The following GABRG3 variants were observed in gnomAD, a reference collection of about 807,000 sequenced individuals.
The protein encoded by GABRG3 is gamma-aminobutyric acid type A receptor subunit gamma3, also known as gamma-aminobutyric acid receptor subunit gamma-3.
In GABRG3, 25 loss-of-function variants were observed where a neutral mutation model predicts 48.8. That is an observed-to-expected ratio of 0.51 (90% confidence interval 0.37 to 0.72). GABRG3 has a LOEUF of 0.72. GABRG3 is among the 30% of genes least tolerant of loss of function. GABRG3 has a pLI of 0.00. For missense variants in GABRG3, 394 were observed against 577.9 expected (o/e 0.68, Z 3.26); for synonymous variants, 227 against 217.6 (o/e 1.04, Z -0.38).
intron 3 of GABRG3, among the ~76,000 whole-genome samples, chr15:27,263,731 G>A (rs1056177577): frequency 1.6e-4 from 24 of 152,154 alleles, no homozygotes; most frequent in African/African-American, 5.5e-4. Flanking sequence ...GGCTGAGACA[G>A]TGCATATGGT....
At chr15:27,415,692 C>T (rs1887920296) in intron 5 of GABRG3, among the ~76,000 whole-genome samples, 1 of 152,164 alleles carries the variant, frequency 6.6e-6, no homozygotes, top group African/African-American at 2.4e-5. Context: ...TCAAGCAATT[C>T]TAATAGCCCT....
chr15:27,076,232 C>G (rs536866068), intron 3 of GABRG3, among the ~76,000 whole-genome samples: 13 of 152,244 alleles, frequency 8.5e-5, no homozygotes, highest in African/African-American at 3.1e-4. Flanking sequence ...GTGATGTCCC[C>G]CAAAACATCC....
intron 3 of GABRG3, among the ~76,000 whole-genome samples, chr15:27,198,826 T>G (rs751694071): frequency 1.3e-5 from 2 of 152,164 alleles, no homozygotes; most frequent in African/African-American, 4.8e-5. Context: ...ATAAAAAGAA[T>G]GAGTTTATGT....
At chr15:27,010,949 G>A (rs768795756) in intron 2 of GABRG3, among the ~76,000 whole-genome samples, 5 of 152,038 alleles carry the variant, frequency 3.3e-5, no homozygotes, top group Non-Finnish European at 5.9e-5. Context: ...GGGTTCCAGC[G>A]ATTCTCCTGC....
intron 3 of GABRG3, among the ~76,000 whole-genome samples, chr15:27,184,392 T>A (rs1301279837): frequency 2.6e-5 from 4 of 152,164 alleles, no homozygotes; most frequent in Admixed American, 6.5e-5. Context: ...AGAGAGTTTT[T>A]CCTGTATCTG....
In GABRG3 at chr15:27,534,337, A is replaced by C. The variant is rs1891501822; in HGVS notation, c.*1456A>C. ...AGAAAAAATATCCCCCCAAATCAAT[A>C]CTCTTTTGATATTTTTATAATACAA... is the stretch of plus-strand genomic sequence containing the variant. On this transcript the variant is annotated 3_prime_UTR_variant, in exon 10 of 10. Coordinates refer to ENST00000615808, the MANE Select transcript of GABRG3 (RefSeq NM_033223.5). 1 of 151,816 alleles carries C rather than the reference A, an allele frequency of 6.6e-6. No homozygotes were observed. The highest frequency in any genetic ancestry group is 2.4e-5 in the African/African-American group (1 of 41,292). The allele number at this position is 151,816 out of a possible 1,614,324, so 9.4% of individuals were successfully genotyped here.
chr15:27,144,474 GA>G (rs1898162366), intron 3 of GABRG3, among the ~76,000 whole-genome samples: 2 of 151,190 alleles, frequency 1.3e-5, no homozygotes, highest in Non-Finnish European at 3.0e-5. Context: ...TCTCCCAGTA[GA>G]AATAGTCTTT....
Position 27,537,793 on chromosome 15 carries a change from C to T in GABRG3, c.*4912C>T, listed in dbSNP as rs1190532716. ...AGTTGTATTAAGGCCAAAAGGCAGA[C>T]TTTCTTTATATTTATTTTTATTATT... On this transcript the variant is annotated 3_prime_UTR_variant, in exon 10 of 10. Transcript: ENST00000615808. 1.3e-5 allele frequency: 2 copies of T among 150,664 alleles called. No homozygotes were observed. The highest frequency in any genetic ancestry group is 3.0e-5 in the Non-Finnish European group (2 of 67,710). The allele number at this position is 150,664 out of a possible 1,614,324, so 9.3% of individuals were successfully genotyped here.
rs1320639086 is a variant in GABRG3 at position 27,306,470 on chromosome 15, CTATA to C, written c.271-20334_271-20331del. 1.2e-4 allele frequency among the ~76,000 whole-genome samples: 16 copies of C among 137,746 alleles called. 1 individual carries two copies. In the East Asian group the frequency reaches 3.1e-3, roughly 27 times the overall value. The allele number at this position is 137,746 out of a possible 152,430, so 90.4% of individuals were successfully genotyped here. On this transcript the variant is annotated intron_variant, in intron 3 of 9. Transcript: ENST00000615808. ...TGTCTACATATAAACATAAACATGT[CTATA>C]TATAAACATATATATAATATAAACA...
At chr15:27,160,538 T>G (rs1887139817) in intron 3 of GABRG3, among the ~76,000 whole-genome samples, 1 of 152,218 alleles carries the variant, frequency 6.6e-6, no homozygotes, top group Admixed American at 6.5e-5. Flanking sequence ...ATGCTAGTTT[T>G]TGGGAAATCC....
intron 3 of GABRG3, among the ~76,000 whole-genome samples, chr15:27,038,881 GT>G (rs1392302874): frequency 6.6e-6 from 1 of 152,214 alleles, no homozygotes; most frequent in African/African-American, 2.4e-5. Context: ...AGAGGGAAAG[GT>G]GTGCCACTCT....
intron 5 of GABRG3, 23 bp downstream of exon 5, chr15:27,328,911 G>A (rs1404250162): frequency 1.9e-6 from 3 of 1,599,860 alleles, no homozygotes; most frequent in Non-Finnish European, 2.6e-6. Flanking sequence ...CCAAGCCCGG[G>A]GTGTGCATGC....
At chr15:27,063,778 T>C (rs1326845715) in intron 3 of GABRG3, among the ~76,000 whole-genome samples, 2 of 152,196 alleles carry the variant, frequency 1.3e-5, no homozygotes, top group Non-Finnish European at 2.9e-5. Context: ...CTGCCATCTT[T>C]GCAATGAGCA....
rs748457234 is a variant in GABRG3, at chr15:26,976,670, C to T, written c.54-332C>T. 4.6e-5 allele frequency among the ~76,000 whole-genome samples: 7 copies of T among 152,106 alleles called. No homozygotes were observed. Among genetic ancestry groups the T allele is most frequent in the Admixed American group, 2.0e-4 (3 of 15,270 alleles). ...TTGTGCCTTGACCTTCACAGGCTAT[C>T]GGGGTGGATCCAAGGGTGTGTTGCC... On this transcript the variant is annotated intron_variant, in intron 1 of 9. Transcript: ENST00000615808. The surrounding 1 kb of genome is among the most constrained non-coding windows in gnomAD (Gnocchi z 7.8).
At chr15:27,213,089 T>C (rs1386677080) in intron 3 of GABRG3, among the ~76,000 whole-genome samples, 3 of 152,134 alleles carry the variant, frequency 2.0e-5, no homozygotes, top group African/African-American at 7.2e-5. Flanking sequence ...AGAAAATGCA[T>C]TTGGGCCAAA....
At chr15:27,372,371 TA>T (rs1176431620) in intron 5 of GABRG3, among the ~76,000 whole-genome samples, 1 of 152,186 alleles carries the variant, frequency 6.6e-6, no homozygotes, top group Non-Finnish European at 1.5e-5. Flanking sequence ...GATTTTCATT[TA>T]AACTTTTTGT....
intron 2 of GABRG3, among the ~76,000 whole-genome samples, chr15:26,996,261 A>G (rs570214242): frequency 6.6e-6 from 1 of 152,200 alleles, no homozygotes; most frequent in South Asian, 2.1e-4. Context: ...CTTTCAGCAT[A>G]AAGAACTTCC....
At position 27,003,876 on chromosome 15, in the gene GABRG3, A is replaced by T. The variant is rs372306166; in HGVS notation, c.203-22878A>T. 1.6e-5 allele frequency among the ~76,000 whole-genome samples: 2 copies of T among 128,198 alleles called. 1 individual carries two copies. The highest frequency in any genetic ancestry group is 5.9e-5 in the African/African-American group (2 of 33,658). The allele number at this position is 128,198 out of a possible 152,430, so 84.1% of individuals were successfully genotyped here. On this transcript the variant is annotated intron_variant, in intron 2 of 9. Transcript: ENST00000615808. Reference sequence around the variant, plus strand: ...GGGCTGACCCCCCCACCTCCCTCCCAGACGGGGCGGCTGGCCGGGCAGAGG... The same window carrying T: ...GGGCTGACCCCCCCACCTCCCTCCCTGACGGGGCGGCTGGCCGGGCAGAGG...
At position 27,407,192 on chromosome 15, in the gene GABRG3, C is replaced by T. The variant is rs150888354; in HGVS notation, c.575-73458C>T. ...CCACCCAACTTGGCCTCCCAAATTGCTGAGATTACAGGTGTGAGCCACCGC... is the reference window on the plus strand; with the variant it reads ...CCACCCAACTTGGCCTCCCAAATTGTTGAGATTACAGGTGTGAGCCACCGC... On this transcript the variant is annotated intron_variant, in intron 5 of 9. Transcript: ENST00000615808. Among the ~76,000 whole-genome samples the T allele has an allele frequency of 3.2e-3, 487 of 152,214 alleles. 3 individuals carry two copies. Among genetic ancestry groups the T allele is most frequent in the African/African-American group, 0.011 (455 of 41,536 alleles).
Sources: gnomAD v4.1 joint callset for allele counts (sites outside exome capture counted in the v4.1 genomes callset) on GRCh38, gnomAD v4.1.1 for gene constraint, Gnocchi (gnomAD v3.1) non-coding constraint, MANE v1.5 for transcripts, NCBI Gene and HGNC (gene_info 2026-07-23, HGNC 2026-07-21) for gene names.